The following SLCO3A1 variants were observed in gnomAD, a reference collection of about 807,000 sequenced individuals.
SLCO3A1 encodes solute carrier organic anion transporter family member 3A1, also known as PGE1 transporter.
In SLCO3A1, 27 loss-of-function variants were observed where a neutral mutation model predicts 63.1. That is an observed-to-expected ratio of 0.43 (90% CI 0.32 to 0.59). The LOEUF (loss-of-function observed/expected upper bound fraction) is 0.59, where lower values mean the gene tolerates loss of function less well. Ranked by LOEUF, SLCO3A1 falls within the 20% of genes least tolerant of loss-of-function variation. SLCO3A1 has a pLI of 0.09. For synonymous variants in SLCO3A1, 473 were observed against 409.9 expected, an observed-to-expected ratio of 1.15 and a Z score of -1.86; for missense variants, 773 against 945.8, an observed-to-expected ratio of 0.82 and a Z score of 2.40.
At chr15:92,068,817 T>A (rs1007208557) in intron 2 of SLCO3A1, among the ~76,000 whole-genome samples, 1 of 152,154 alleles carries the variant, frequency 6.6e-6, no homozygotes, top group African/African-American at 2.4e-5. Flanking sequence ...CTCCCACCAC[T>A]CACGCAGGCT....
chr15:92,027,318 CTTTA>C (rs2046587331), intron 2 of SLCO3A1, among the ~76,000 whole-genome samples: 1 of 152,212 alleles, frequency 6.6e-6, no homozygotes, highest in Non-Finnish European at 1.5e-5. Flanking sequence ...CACCACATTG[CTTTA>C]TTTGTTGAGA....
chr15:91,942,375 T>C lies in SLCO3A1; in HGVS notation c.646+25917T>C, dbSNP rs767420862. Among the ~76,000 whole-genome samples, 2 of 152,208 alleles carry C rather than the reference T, an allele frequency of 1.3e-5. No individual in the cohort carries two copies. Among genetic ancestry groups the C allele is most frequent in the Non-Finnish European group, 2.9e-5 (2 of 68,038 alleles). The stretch of plus-strand genomic sequence containing the variant: ...CCTGTCCATCGTTGAGATTTTGTTT[T>C]ATGTATATTCCTATAGCTGTGCAGG... On this transcript the variant is annotated intron_variant, in intron 2 of 9. Coordinates refer to ENST00000318445, the MANE Select transcript of SLCO3A1 (RefSeq NM_013272.4). The surrounding 1 kb of genome is among the most constrained non-coding windows in gnomAD (Gnocchi z 4.1).
At chr15:92,158,062 T>C (rs879547) in intron 9 of SLCO3A1, among the ~76,000 whole-genome samples, 93,001 of 152,132 alleles carry the variant, frequency 0.61, 28,891 homozygotes, top group Middle Eastern at 0.74. Flanking sequence ...GACAACTCCG[T>C]GTCTCTTCCT....
chr15:91,937,567 A>G (rs1033630222), intron 2 of SLCO3A1, among the ~76,000 whole-genome samples: 1 of 152,006 alleles, frequency 6.6e-6, no homozygotes, highest in Non-Finnish European at 1.5e-5. Flanking sequence ...AAAATACAAA[A>G]AATTAGCTGG....
intron 2 of SLCO3A1, among the ~76,000 whole-genome samples, chr15:91,931,788 A>AACACACACAC (rs112525299): frequency 0.16 from 22,810 of 143,964 alleles, 2,014 homozygotes; most frequent in South Asian, 0.23. Context: ...TAAGTGTGGA[A>AACACACACAC]ACACACACAC....
intron 2 of SLCO3A1, among the ~76,000 whole-genome samples, chr15:92,048,273 G>A (rs535154264): frequency 7.2e-5 from 11 of 152,238 alleles, no homozygotes; most frequent in African/African-American, 2.6e-4. Flanking sequence ...TTCTGATAGA[G>A]GTGAGTTTGC....
At position 91,942,714 on chromosome 15, in the gene SLCO3A1, G is replaced by A. The variant is rs144191670; in HGVS notation, c.646+26256G>A. On this transcript the variant is annotated intron_variant, in intron 2 of 9. Coordinates refer to ENST00000318445, the MANE Select transcript of SLCO3A1 (RefSeq NM_013272.4). This position sits in a 1 kb window ranked among gnomAD's most constrained non-coding sequence, Gnocchi z 4.1. ...TTCCCAAGAAGCTGGAATTACAGGCGTGCACCACCACGCCCGGCTAATTTT... is the reference window on the plus strand; with the variant it reads ...TTCCCAAGAAGCTGGAATTACAGGCATGCACCACCACGCCCGGCTAATTTT... Among the ~76,000 whole-genome samples the A allele has an allele frequency of 2.3e-3, 351 of 152,166 alleles. No homozygotes were observed. The highest frequency in any genetic ancestry group is 8.2e-3 in the African/African-American group (341 of 41,494).
At chr15:91,867,265 A>G (rs1897188108) in intron 1 of SLCO3A1, among the ~76,000 whole-genome samples, 1 of 152,156 alleles carries the variant, frequency 6.6e-6, no homozygotes, top group Admixed American at 6.5e-5. Context: ...GCATGCTCAG[A>G]CTCAGCTAGA....
At chr15:92,151,045 T>A in intron 9 of SLCO3A1, 31 bp downstream of exon 9, 1 of 1,429,568 alleles carries the variant, frequency 7.0e-7, no homozygotes, top group Non-Finnish European at 9.8e-7. Flanking sequence ...TCCTCAATAA[T>A]GAATTGGATG....
At chr15:92,061,848 A>G (rs1422620728) in intron 2 of SLCO3A1, among the ~76,000 whole-genome samples, 1 of 152,248 alleles carries the variant, frequency 6.6e-6, no homozygotes, top group East Asian at 1.9e-4. Flanking sequence ...TCCTTACACA[A>G]GGGCCTCCCC....
rs1897085912 is a variant in SLCO3A1, at chr15:91,863,094, G to A, written c.180+9006G>A. 6.6e-6 allele frequency among the ~76,000 whole-genome samples: 1 copy of A among 152,200 alleles called. No individual in the cohort carries two copies. Among genetic ancestry groups the A allele is most frequent in the Non-Finnish European group, 1.5e-5 (1 of 68,032 alleles). ...CTCTGCTAAGAATTCCCTTAATGAAGATGAAAATTTCTAAGCAGCATGGAC... is the reference window on the plus strand; with the variant it reads ...CTCTGCTAAGAATTCCCTTAATGAAAATGAAAATTTCTAAGCAGCATGGAC... On this transcript the variant is annotated intron_variant, in intron 1 of 9. Transcript: ENST00000318445. This position sits in a 1 kb window ranked among gnomAD's most constrained non-coding sequence, Gnocchi z 4.3.
In SLCO3A1 at chr15:91,885,578, C is replaced by A. The variant is rs1245057228; in HGVS notation, c.181-30415C>A. ...TCTTTTAGGGATGCTTAGAATTGGC[C>A]CTTGGTTGGTTTGTAGCATTTATAC... On this transcript the variant is annotated intron_variant, in intron 1 of 9. Transcript: ENST00000318445. This position sits in a 1 kb window ranked among gnomAD's most constrained non-coding sequence, Gnocchi z 4.7. Among the ~76,000 whole-genome samples the A allele has an allele frequency of 3.3e-5, 5 of 152,192 alleles. No homozygotes were observed. The highest frequency in any genetic ancestry group is 4.8e-5 in the African/African-American group (2 of 41,440).
chr15:91,926,357 C>T (rs567893960), intron 2 of SLCO3A1, among the ~76,000 whole-genome samples: 10 of 152,276 alleles, frequency 6.6e-5, no homozygotes, highest in Middle Eastern at 3.4e-3. Context: ...TGGGCAGGAG[C>T]ATGTTGAGCA....
At chr15:91,902,116 G>A (rs1049580430) in intron 1 of SLCO3A1, among the ~76,000 whole-genome samples, 2 of 151,106 alleles carry the variant, frequency 1.3e-5, no homozygotes, top group Non-Finnish European at 3.0e-5. Context: ...CTCCTTTTGT[G>A]AATTTTTTGT....
chr15:91,945,298 T>C (rs909725886), intron 2 of SLCO3A1, among the ~76,000 whole-genome samples: 1 of 147,150 alleles, frequency 6.8e-6, no homozygotes, highest in East Asian at 2.0e-4. Context: ...ACCTAGATTA[T>C]ACCATTGCAC....
chr15:92,148,284 G>GGAAATAAAAGTAGGAAT (rs2151590272), intron 8 of SLCO3A1, among the ~76,000 whole-genome samples: 1 of 152,262 alleles, frequency 6.6e-6, no homozygotes, highest in African/African-American at 2.4e-5. Flanking sequence ...AGCAAAGGCT[G>GGAAATAAAAGTAGGAAT]GAAATAAAAG....
intron 2 of SLCO3A1, among the ~76,000 whole-genome samples, chr15:92,044,400 A>G (rs2046835415): frequency 6.6e-6 from 1 of 152,068 alleles, no homozygotes; most frequent in Non-Finnish European, 1.5e-5. Flanking sequence ...ACTAGATAAA[A>G]TCTCTTCCCA....
chr15:91,938,395 G>A (rs1395302912), intron 2 of SLCO3A1, among the ~76,000 whole-genome samples: 3 of 151,996 alleles, frequency 2.0e-5, no homozygotes, highest in Non-Finnish European at 2.9e-5. Flanking sequence ...TGGCATTTGA[G>A]CAAGATTAAC....
At chr15:92,048,680 C>T (rs2046920057) in intron 2 of SLCO3A1, among the ~76,000 whole-genome samples, 1 of 152,118 alleles carries the variant, frequency 6.6e-6, no homozygotes, top group Admixed American at 6.6e-5. Flanking sequence ...GTGCGGATCA[C>T]CAGAGGTCAG....
Sources: allele counts gnomAD v4.1 joint callset (sites outside exome capture counted in the v4.1 genomes callset), GRCh38; gene constraint gnomAD v4.1.1; non-coding constraint Gnocchi (gnomAD v3.1); transcripts MANE v1.5; gene names NCBI Gene and HGNC (gene_info 2026-07-23, HGNC 2026-07-21).